Variants in PHACTR1 observed in about 807,000 individuals in gnomAD.
The protein encoded by PHACTR1 is phosphatase and actin regulator 1, also known as RPEL repeat containing 1.
PHACTR1 carries 16 observed loss-of-function variants against 69.2 expected under a neutral mutation model. The observed-to-expected ratio is 0.23, with a 90% confidence interval of 0.16 to 0.35. PHACTR1 has a LOEUF of 0.35. Among genes scored for constraint, PHACTR1 ranks in the 10% least tolerant of loss-of-function variants. The pLI is 1.00. For missense variants in PHACTR1, 510 were observed against 734.7 expected, an observed-to-expected ratio of 0.69 and a Z score of 3.54; for synonymous variants, 312 against 284.5, an observed-to-expected ratio of 1.10 and a Z score of -0.97.
intron 5 of PHACTR1, among the ~76,000 whole-genome samples, chr6:13,053,955 A>G (rs1014966885): frequency 1.3e-5 from 2 of 152,108 alleles, no homozygotes; most frequent in African/African-American, 2.4e-5. Flanking sequence ...TGGAGGAAAA[A>G]CCTTGAATAA....
intron 4 of PHACTR1, among the ~76,000 whole-genome samples, chr6:12,842,886 G>A (rs1778841205): frequency 6.6e-6 from 1 of 152,104 alleles, no homozygotes; most frequent in Non-Finnish European, 1.5e-5. Flanking sequence ...CAACATTAAT[G>A]TAATGTACCT....
intron 4 of PHACTR1, among the ~76,000 whole-genome samples, chr6:12,798,207 G>GGGAA (rs952868971): frequency 6.6e-6 from 1 of 152,018 alleles, no homozygotes; most frequent in African/African-American, 2.4e-5. Context: ...AAGGAAGGGA[G>GGGAA]GGAAGGAAGG....
chr6:12,948,897 G>A (rs966753666), intron 4 of PHACTR1, among the ~76,000 whole-genome samples: 2 of 152,144 alleles, frequency 1.3e-5, no homozygotes, highest in East Asian at 3.8e-4. Flanking sequence ...AAAGTCATAA[G>A]AGCACTTCAA....
intron 8 of PHACTR1, among the ~76,000 whole-genome samples, chr6:13,211,173 G>T (rs184895419): frequency 5.3e-4 from 80 of 151,964 alleles, no homozygotes; most frequent in Non-Finnish European, 1.8e-4. Flanking sequence ...TGGTTACATG[G>T]ATAAGTTCTT....
chr6:13,164,864 A>C (rs1232708006), intron 6 of PHACTR1, among the ~76,000 whole-genome samples: 1 of 152,248 alleles, frequency 6.6e-6, no homozygotes, highest in African/African-American at 2.4e-5. Flanking sequence ...GGGTCTAAGA[A>C]AAGTAATCTC....
chr6:12,784,501 T>A (rs1771266193), intron 4 of PHACTR1, among the ~76,000 whole-genome samples: 1 of 151,418 alleles, frequency 6.6e-6, no homozygotes, highest in Non-Finnish European at 1.5e-5. Flanking sequence ...CACACATATA[T>A]ACATATGTAT....
intron 4 of PHACTR1, among the ~76,000 whole-genome samples, chr6:12,906,351 C>G (rs1408206457): frequency 6.6e-6 from 1 of 152,152 alleles, no homozygotes; most frequent in Non-Finnish European, 1.5e-5. Flanking sequence ...AGCTAGAGTG[C>G]TCAAGGGGTC....
rs113554428 is a variant in PHACTR1 at position 12,919,436 on chromosome 6, C to T, written c.251-133929C>T. Among the ~76,000 whole-genome samples, 230 of 152,236 alleles carry T rather than the reference C, an allele frequency of 1.5e-3. 1 individual carries two copies. Among genetic ancestry groups the T allele is most frequent in the Admixed American group, 5.4e-3 (82 of 15,298 alleles). On this transcript the variant is annotated intron_variant, in intron 4 of 14. Transcript: ENST00000332995. ...GAGTACAGGCATGAGCCACCGTGCC[C>T]GGCCTATAAAGACTTTTAAGGAAAA...
chr6:12,960,116 A>G (rs1018967582), intron 4 of PHACTR1, among the ~76,000 whole-genome samples: 1 of 152,260 alleles, frequency 6.6e-6, no homozygotes, highest in Non-Finnish European at 1.5e-5. Context: ...TCAGTGAGTG[A>G]CATTGAGAAA....
chr6:13,254,803 T>C (rs1329559701), intron 10 of PHACTR1, among the ~76,000 whole-genome samples: 4 of 152,238 alleles, frequency 2.6e-5, no homozygotes, highest in African/African-American at 9.6e-5. Context: ...TGTAGATTAC[T>C]GTTAGTTGCA....
intron 8 of PHACTR1, among the ~76,000 whole-genome samples, chr6:13,216,877 A>G (rs1210725379): frequency 1.3e-5 from 2 of 152,232 alleles, no homozygotes; most frequent in Non-Finnish European, 2.9e-5. Flanking sequence ...TAAGGAAGTT[A>G]AAATGAAACT....
intron 7 of PHACTR1, among the ~76,000 whole-genome samples, chr6:13,194,159 C>T (rs1764013580): frequency 6.6e-6 from 1 of 152,150 alleles, no homozygotes; most frequent in South Asian, 2.1e-4. Context: ...AATCCCAGTA[C>T]TTTGGGAGGC....
In PHACTR1 at chr6:13,227,884, C is replaced by G; in HGVS notation, c.1055C>G (p.Thr352Ser). The G allele has an allele frequency of 6.2e-7, 1 of 1,614,034 alleles. No individual in the cohort carries two copies. The highest frequency in any genetic ancestry group is 8.5e-7 in the Non-Finnish European group (1 of 1,179,902). Residue 352 changes from threonine (T) to serine (S), a missense_variant, in exon 9 of 15, where the codon ACC (threonine) becomes AGC (serine). Physicochemically the swap from Thr to Ser is moderately conservative, Grantham distance 58. Around this residue, in one of 2 missense-constraint regions of PHACTR1, gnomAD observed 419 missense variants for 530.9 expected, o/e 0.79. Coordinates refer to ENST00000332995, the MANE Select transcript of PHACTR1 (RefSeq NM_030948.6). ...GGGTTGCACTCGGGTGATGGGGTCACCAAAGCAGGACCTATGGGCCTTCCA... is the reference window on the plus strand; with the variant it reads ...GGGTTGCACTCGGGTGATGGGGTCAGCAAAGCAGGACCTATGGGCCTTCCA... ...SSGLHSGDGV[T>S]KAGPMGLPEI...
intron 4 of PHACTR1, among the ~76,000 whole-genome samples, chr6:12,906,704 A>G (rs538388503): frequency 6.6e-6 from 1 of 152,334 alleles, no homozygotes; most frequent in South Asian, 2.1e-4. Context: ...GTTTTCTAGC[A>G]GGATCTTTCT....
intron 4 of PHACTR1, among the ~76,000 whole-genome samples, chr6:12,924,803 A>G (rs564872197): frequency 2.0e-5 from 3 of 151,924 alleles, no homozygotes; most frequent in Non-Finnish European, 4.4e-5. Context: ...AATTTAAACT[A>G]TAGTAAGTAA....
At chr6:13,107,501 G>A (rs938956416) in intron 5 of PHACTR1, among the ~76,000 whole-genome samples, 1 of 152,186 alleles carries the variant, frequency 6.6e-6, no homozygotes, top group Admixed American at 6.5e-5. Context: ...TCTGGACCTG[G>A]AGTATTCTTT....
chr6:13,005,015 G>T (rs1798608471), intron 4 of PHACTR1, among the ~76,000 whole-genome samples: 1 of 151,356 alleles, frequency 6.6e-6, no homozygotes, highest in South Asian at 2.1e-4. Context: ...TTTTACAAAT[G>T]AATATCTTTA....
At chr6:13,254,062 T>A (rs1774855774) in intron 10 of PHACTR1, among the ~76,000 whole-genome samples, 1 of 152,132 alleles carries the variant, frequency 6.6e-6, no homozygotes, top group Non-Finnish European at 1.5e-5. Flanking sequence ...ACCCTATATC[T>A]ACTAAAAATA....
chr6:13,051,507 G>A (rs758537777), intron 4 of PHACTR1, among the ~76,000 whole-genome samples: 12 of 152,072 alleles, frequency 7.9e-5, no homozygotes, highest in Non-Finnish European at 1.5e-4. Flanking sequence ...CTCACCTAAC[G>A]TCACTGAGGC....
Sources: gnomAD v4.1 joint callset for allele counts (sites outside exome capture counted in the v4.1 genomes callset) on GRCh38, gnomAD v4.1.1 for gene constraint, gnomAD v4.1.1 regional missense constraint, MANE v1.5 for transcripts, NCBI Gene and HGNC (gene_info 2026-07-23, HGNC 2026-07-21) for gene names.